Variants in NSD1 observed in about 807,000 individuals in gnomAD.
The protein encoded by NSD1 is histone-lysine N-methyltransferase, H3 lysine-36 specific.
NSD1 carries 26 observed loss-of-function variants against 242.7 expected under a neutral mutation model. That is an observed-to-expected ratio of 0.11 (90% CI 0.08 to 0.15). The LOEUF is 0.15. NSD1 is among the 10% of genes least tolerant of loss of function. The pLI is 1.00. For missense variants in NSD1, 2,495 were observed against 3,272.8 expected (o/e 0.76, Z 5.80); for synonymous variants, 1,106 against 1,178.1 (o/e 0.94, Z 1.25).
chr5:177,202,103 G>T (rs1762552470), intron 3 of NSD1, among the ~76,000 whole-genome samples: 1 of 151,766 alleles, frequency 6.6e-6, no homozygotes, highest in Non-Finnish European at 1.5e-5. Flanking sequence ...GGGAGGCAGA[G>T]GTTGCAGTGA....
intron 2 of NSD1, among the ~76,000 whole-genome samples, chr5:177,173,788 T>C (rs1346486335): frequency 1.3e-5 from 2 of 152,174 alleles, no homozygotes; most frequent in African/African-American, 2.4e-5. Context: ...CTGGCTCTTA[T>C]ACAGAAAAAA....
intron 4 of NSD1, among the ~76,000 whole-genome samples, chr5:177,207,355 T>C (rs1197630321): frequency 1.3e-5 from 2 of 151,486 alleles, no homozygotes; most frequent in Non-Finnish European, 2.9e-5. Context: ...CGATGTCAGC[T>C]CACTACAACC....
chr5:177,172,317 G>A (rs1759778926), intron 2 of NSD1, among the ~76,000 whole-genome samples: 1 of 152,010 alleles, frequency 6.6e-6, no homozygotes, highest in East Asian at 1.9e-4. Flanking sequence ...AGACACTTTT[G>A]GAGTTTGTTT....
rs1763405454 is a variant in NSD1, at chr5:177,212,256, CCTT to C, written c.3796+64_3796+66del. On this transcript the variant is annotated intron_variant, in intron 5 of 22. Transcript: ENST00000439151. ...TGGAGAAAGTGCTGATAAACATTGT[CCTT>C]CTGAAATTGGTCTGTTGTAATGGTA... The C allele has an allele frequency of 4.5e-6, 7 of 1,538,754 alleles. No individual in the cohort carries two copies. The Admixed American group carries it at 9.2e-5, about 20-fold the overall frequency.
chr5:177,247,084 G>A (rs1766357949), intron 10 of NSD1, among the ~76,000 whole-genome samples: 1 of 152,326 alleles, frequency 6.6e-6, no homozygotes, highest in Admixed American at 6.5e-5. Context: ...AAACCGGAGA[G>A]TACAATATCA....
chr5:177,266,236 C>G, intron 14 of NSD1: 1 of 826,626 alleles, frequency 1.2e-6, no homozygotes, highest in Non-Finnish European at 2.1e-6. Context: ...CCTTTTCCAC[C>G]GGGAGCTCTA....
At chr5:177,233,997 TGTC>T (rs1238206160) in intron 5 of NSD1, among the ~76,000 whole-genome samples, 1 of 152,176 alleles carries the variant, frequency 6.6e-6, no homozygotes, top group Non-Finnish European at 1.5e-5. Context: ...TATATGCTGT[TGTC>T]AGTGTCTGGA....
chr5:177,283,134 A>G (rs1759031317), intron 19 of NSD1, among the ~76,000 whole-genome samples: 1 of 152,108 alleles, frequency 6.6e-6, no homozygotes, highest in Non-Finnish European at 1.5e-5. Context: ...TTGTATTTTT[A>G]GTAGAGACAA....
At chr5:177,248,046 C>T (rs1766434051) in intron 10 of NSD1, 135 bp from the exon 11 acceptor site, 1 of 1,526,462 alleles carries the variant, frequency 6.6e-7, no homozygotes, top group South Asian at 1.2e-5. Flanking sequence ...ACTAACATTG[C>T]ATGCAGTCCG....
chr5:177,259,096 A>G (rs922342642), intron 13 of NSD1, among the ~76,000 whole-genome samples: 4 of 152,154 alleles, frequency 2.6e-5, no homozygotes, highest in African/African-American at 9.7e-5. Context: ...TGGCCTCCCA[A>G]AGTCCTGGGA....
chr5:177,231,268 A>G (rs1323854175), intron 5 of NSD1, among the ~76,000 whole-genome samples: 5 of 151,680 alleles, frequency 3.3e-5, no homozygotes, highest in African/African-American at 1.2e-4. Flanking sequence ...AACTTTTTGT[A>G]GGGACGAGGT....
intron 14 of NSD1, chr5:177,266,126 C>G: frequency 9.0e-7 from 1 of 1,110,646 alleles, no homozygotes; most frequent in East Asian, 2.4e-5. Flanking sequence ...GAAGATGAGG[C>G]TATTGGGCGC....
intron 21 of NSD1, among the ~76,000 whole-genome samples, chr5:177,289,859 G>A (rs957441068): frequency 2.0e-5 from 3 of 148,412 alleles, no homozygotes; most frequent in African/African-American, 5.0e-5. Context: ...GTGGAGTCTC[G>A]CTCTGTTGCC....
chr5:177,294,682 A>G lies in NSD1; in HGVS notation c.7314A>G (p.Ala2438=). The G allele has an allele frequency of 6.2e-7, 1 of 1,614,194 alleles. No homozygotes were observed. The highest frequency in any genetic ancestry group is 8.5e-7 in the Non-Finnish European group (1 of 1,180,030). ...AGACCCTTGTAGCTAAAGAAAAAGC[A>G]CTGAGGCCTGTGGACCAGAATACTC... ...VVQTLVAKEK[A]LRPVDQNTQS... Residue 2438 remains alanine, a synonymous_variant, in exon 23 of 23, where the codon GCA becomes GCG. Transcript: ENST00000439151.
chr5:177,265,406 A>G, intron 14 of NSD1: 2 of 602,974 alleles, frequency 3.3e-6, no homozygotes, highest in East Asian at 2.7e-5. Context: ...CCATCTAAAA[A>G]CATAAGTTAT....
chr5:177,212,677 G>A (rs1367877543), intron 5 of NSD1, among the ~76,000 whole-genome samples: 1 of 151,750 alleles, frequency 6.6e-6, no homozygotes, highest in African/African-American at 2.4e-5. Context: ...GACTCAATAT[G>A]TAACTGCAAG....
Position 177,139,177 on chromosome 5 carries a change from G to A in NSD1, c.927+3147G>A, listed in dbSNP as rs552865219. 3.2e-4 allele frequency among the ~76,000 whole-genome samples: 48 copies of A among 151,946 alleles called. 1 individual carries two copies. The South Asian group carries it at 0.01, about 32-fold the overall frequency. Reference sequence around the variant, plus strand: ...GAGGCAGGAGAATCACTTGAACCCGGGAGGCTGAGGTTGCAGTGAGCTGAG... The same window carrying A: ...GAGGCAGGAGAATCACTTGAACCCGAGAGGCTGAGGTTGCAGTGAGCTGAG... On this transcript the variant is annotated intron_variant, in intron 2 of 22. Transcript: ENST00000439151.
rs371475283 is a variant in NSD1, at chr5:177,231,663, G to A, written c.3797-4158G>A. ...TCGAACTCCTGGCCTCAGGTGATCC[G>A]CCCACCTTGGCCTCCCAAAGTGCTG... is the stretch of plus-strand genomic sequence containing the variant. On this transcript the variant is annotated intron_variant, in intron 5 of 22. Coordinates refer to ENST00000439151, the MANE Select transcript of NSD1 (RefSeq NM_022455.5). Among the ~76,000 whole-genome samples the A allele has an allele frequency of 1.7e-4, 26 of 151,962 alleles. No homozygotes were observed. In the South Asian group the frequency reaches 3.3e-3, roughly 19 times the overall value.
In NSD1 at chr5:177,211,022, G is replaced by A. The variant is rs1285503423; in HGVS notation, c.2623G>A (p.Asp875Asn). The A allele has an allele frequency of 1.2e-6, 2 of 1,614,178 alleles. No individual in the cohort carries two copies. ...KELSYRSLGE[D>N]VSDSGTSKPS... ...ACTCTCTTACAGATCCTTAGGTGAGGATGTCAGTGACTCTGGAACATCAAA... is the reference window on the plus strand; with the variant it reads ...ACTCTCTTACAGATCCTTAGGTGAGAATGTCAGTGACTCTGGAACATCAAA... Residue 875 changes from aspartate (D) to asparagine (N), a missense_variant, in exon 5 of 23, where the codon GAT (aspartate) becomes AAT (asparagine). By Grantham distance (23) the Asp-to-Asn change is conservative. Around this residue, in one of 19 missense-constraint regions of NSD1, gnomAD observed 121 missense variants for 167.2 expected, o/e 0.72. Transcript: ENST00000439151.
Sources: gnomAD v4.1 joint callset for allele counts (sites outside exome capture counted in the v4.1 genomes callset) on GRCh38, gnomAD v4.1.1 for gene constraint, gnomAD v4.1.1 regional missense constraint, MANE v1.5 for transcripts, NCBI Gene and HGNC (gene_info 2026-07-23, HGNC 2026-07-21) for gene names.